Variants in PTPN21 observed in about 807,000 individuals in gnomAD.
The protein encoded by PTPN21 is protein tyrosine phosphatase non-receptor type 21.
PTPN21 carries 77 observed loss-of-function variants against 131.8 expected under a neutral mutation model. That is an observed-to-expected ratio of 0.58 (90% CI 0.49 to 0.71). PTPN21 has a LOEUF of 0.71. Among genes scored for constraint, PTPN21 ranks in the 30% least tolerant of loss-of-function variants. The pLI, the probability that PTPN21 is intolerant of heterozygous loss-of-function variation, is 0.00. For missense variants in PTPN21, 1,552 were observed against 1,527.1 expected, an observed-to-expected ratio of 1.02 and a Z score of -0.27; for synonymous variants, 715 against 621.3, an observed-to-expected ratio of 1.15 and a Z score of -2.24.
chr14:88,483,532 C>T (rs780388439), intron 12 of PTPN21, among the ~76,000 whole-genome samples: 32 of 152,074 alleles, frequency 2.1e-4, no homozygotes, highest in Non-Finnish European at 2.5e-4. Context: ...ACACCAGGGC[C>T]GACACAAACA....
chr14:88,536,936 C>T (rs2078640089), intron 2 of PTPN21, among the ~76,000 whole-genome samples: 1 of 152,148 alleles, frequency 6.6e-6, no homozygotes, highest in Non-Finnish European at 1.5e-5. Flanking sequence ...CTTACCTTTA[C>T]AGAGTCTGCC....
rs1005243348 is a variant in PTPN21 at position 88,505,240 on chromosome 14, G to C, written c.516+64C>G. The stretch of plus-strand genomic sequence containing the variant: ...TCTATCATACGGATTTCATTTCAGG[G>C]ATTATTAAGGGTATAGGAATAAACT... On this transcript the variant is annotated intron_variant, in intron 5 of 18. Coordinates refer to ENST00000556564, the MANE Select transcript of PTPN21 (RefSeq NM_007039.4). 2.1e-5 allele frequency: 27 copies of C among 1,265,652 alleles called. No homozygotes were observed. In the African/African-American group the frequency reaches 3.8e-4, roughly 18 times the overall value. 78.4% of individuals were successfully genotyped at this position (1,265,652 alleles called of 1,614,324 possible).
rs373792769 is a variant in PTPN21 at position 88,469,747 on chromosome 14, G to A, written c.3001-14C>T. 1.1e-5 allele frequency: 17 copies of A among 1,613,278 alleles called. No homozygotes were observed. The highest frequency in any genetic ancestry group is 1.4e-5 in the Non-Finnish European group (16 of 1,179,234). ...CCTTCCACCCTCCTGTTAAAGATGA[G>A]CATGGTTAAATGACTCGAGATCCGG... is the stretch of plus-strand genomic sequence containing the variant. On this transcript the variant is annotated splice_polypyrimidine_tract_variant and intron_variant, in intron 16 of 18. Transcript: ENST00000556564. The surrounding 1 kb of genome is among the most constrained non-coding windows in gnomAD (Gnocchi z 4.3).
At chr14:88,516,651 T>C (rs1003057790) in intron 3 of PTPN21, among the ~76,000 whole-genome samples, 2 of 152,166 alleles carry the variant, frequency 1.3e-5, no homozygotes, top group Admixed American at 6.5e-5. Flanking sequence ...CTCTCCTCTG[T>C]ACTCCCTCCC....
intron 2 of PTPN21, among the ~76,000 whole-genome samples, chr14:88,518,573 G>C (rs974891924): frequency 6.8e-6 from 1 of 147,968 alleles, no homozygotes; most frequent in Non-Finnish European, 1.5e-5. Context: ...CAAGATTATA[G>C]CATGCACCAC....
intron 2 of PTPN21, among the ~76,000 whole-genome samples, chr14:88,518,255 AATAT>A (rs1555388146): frequency 2.4e-3 from 44 of 18,668 alleles, no homozygotes; most frequent in African/African-American, 8.8e-3. Flanking sequence ...AAAAAAAAAA[AATAT>A]ATATATATAT....
intron 10 of PTPN21, among the ~76,000 whole-genome samples, chr14:88,491,166 T>C (rs570023077): frequency 2.6e-5 from 4 of 152,244 alleles, no homozygotes; most frequent in Non-Finnish European, 4.4e-5. Flanking sequence ...TTTTTAAGGT[T>C]TGGATAACGA....
chr14:88,485,983 A>C (rs2077725884), intron 10 of PTPN21, 141 bp from the exon 11 acceptor site: 1 of 603,572 alleles, frequency 1.7e-6, no homozygotes, highest in Non-Finnish European at 2.8e-6. Context: ...GTCAAAGAAA[A>C]GAAGGGAGGT....
intron 3 of PTPN21, among the ~76,000 whole-genome samples, chr14:88,510,835 T>C (rs910351149): frequency 2.6e-5 from 4 of 152,206 alleles, no homozygotes; most frequent in Admixed American, 2.6e-4. Context: ...TTATATGTTA[T>C]TGTATTATCC....
At chr14:88,534,051 T>C (rs995119722) in intron 2 of PTPN21, among the ~76,000 whole-genome samples, 4 of 152,080 alleles carry the variant, frequency 2.6e-5, no homozygotes, top group East Asian at 1.9e-4. Flanking sequence ...GCTAGGCTAA[T>C]ATGTGTGTCT....
chr14:88,542,745 A>G (rs950087974), intron 2 of PTPN21, among the ~76,000 whole-genome samples: 2 of 152,256 alleles, frequency 1.3e-5, no homozygotes, highest in South Asian at 4.1e-4. Flanking sequence ...AACAAAACCT[A>G]AACATCAAGA....
intron 3 of PTPN21, among the ~76,000 whole-genome samples, chr14:88,510,129 A>T (rs960229046): frequency 1.3e-5 from 2 of 152,244 alleles, no homozygotes; most frequent in African/African-American, 4.8e-5. Context: ...TTATACTGTT[A>T]TGAGAATTGA....
chr14:88,488,141 TAAG>T (rs1445375849), intron 10 of PTPN21, among the ~76,000 whole-genome samples: 1 of 152,176 alleles, frequency 6.6e-6, no homozygotes, highest in Admixed American at 6.6e-5. Flanking sequence ...GGACTGAACT[TAAG>T]AAACTTTTAA....
At chr14:88,471,021 T>C (rs1353712846) in intron 15 of PTPN21, among the ~76,000 whole-genome samples, 8 of 152,216 alleles carry the variant, frequency 5.3e-5, no homozygotes, top group Non-Finnish European at 7.3e-5. Flanking sequence ...GTATCATTCA[T>C]TCTTATCCAT....
In PTPN21 at chr14:88,479,480, G is replaced by T. The variant is rs778405708; in HGVS notation, c.1951C>A (p.Arg651=). ...AGLSHGLEGL[R]LKERTLSASA... The stretch of plus-strand genomic sequence containing the variant: ...GCGGATAGGGTGCGCTCCTTGAGCC[G>T]CAGGCCCTCCAGGCCGTGGCTGAGC... Residue 651 remains arginine, a synonymous_variant, in exon 13 of 19, where the codon CGG becomes AGG. Transcript: ENST00000556564. 5.0e-6 allele frequency: 8 copies of T among 1,601,846 alleles called. No individual in the cohort carries two copies. Among genetic ancestry groups the T allele is most frequent in the Non-Finnish European group, 6.8e-6 (8 of 1,179,106 alleles).
Position 88,497,223 on chromosome 14 carries a change from C to A in PTPN21, c.832G>T (p.Glu278Ter). 6.2e-7 allele frequency: 1 copy of A among 1,610,478 alleles called. No individual in the cohort carries two copies. Among genetic ancestry groups the A allele is most frequent in the South Asian group, 1.1e-5 (1 of 90,988 alleles). ...CTCACAGTTTGAAATTGAATGGTCT[C>A]CTCTTTATTTGCCAGCTCTAATGCA... ...FFALELANKE[E>*]TIQFQTEDME... is the part of the protein sequence containing the mutation. Residue 278 changes from glutamate to a stop codon, truncating the protein, a stop_gained, in exon 9 of 19, where the codon GAG (glutamate) becomes TAG (stop). Transcript: ENST00000556564. LOFTEE classifies it high-confidence loss of function.
Position 88,480,049 on chromosome 14 carries a change from C to G in PTPN21, c.1382G>C (p.Gly461Ala), listed in dbSNP as rs138713555. 6.2e-6 allele frequency: 10 copies of G among 1,613,900 alleles called. No homozygotes were observed. Among genetic ancestry groups the G allele is most frequent in the Non-Finnish European group, 8.5e-6 (10 of 1,180,046 alleles). ...YETVMKQLNR[G>A]LVHAERQSHS... ...GCTCTGCCGTTCCGCATGCACCAGG[C>G]CCCTGTTGAGCTGCTTCATCACAGT... Residue 461 changes from glycine to alanine, a missense_variant, in exon 13 of 19, where the codon GGC (glycine) becomes GCC (alanine). Around this residue, in one of 4 missense-constraint regions of PTPN21, gnomAD observed 1,016 missense variants for 883.5 expected, o/e 1.15. Transcript: ENST00000556564.
At position 88,496,477 on chromosome 14, in the gene PTPN21, C is replaced by T. The variant is rs2140123876; in HGVS notation, c.868G>A (p.Ala290Thr). 5 of 1,613,784 alleles carry T rather than the reference C, an allele frequency of 3.1e-6. No homozygotes were observed. The highest frequency in any genetic ancestry group is 3.4e-6 in the Non-Finnish European group (4 of 1,179,780). Residue 290 changes from alanine to threonine, a missense_variant, in exon 10 of 19, where the codon GCA becomes ACA. By Grantham distance (58) the Ala-to-Thr change is moderately conservative. This residue lies in a region of PTPN21 where 1,016 missense variants were observed against 883.5 expected (regional missense o/e 1.15). Coordinates refer to ENST00000556564, the MANE Select transcript of PTPN21 (RefSeq NM_007039.4). ...ACACAGAGTCTCCAAATGTATTTTG[C>T]TGTTTCCATGTCTTCCTAGCAAACA... ...IQFQTEDMET[A>T]KYIWRLCVAR... is the part of the protein sequence containing the mutation.
At position 88,472,476 on chromosome 14, in the gene PTPN21, G is replaced by A; in HGVS notation, c.2650-11C>T. The A allele has an allele frequency of 6.5e-7, 1 of 1,532,604 alleles. No individual in the cohort carries two copies. Among genetic ancestry groups the A allele is most frequent in the Non-Finnish European group, 9.0e-7 (1 of 1,107,222 alleles). 94.9% of individuals were successfully genotyped at this position (1,532,604 alleles called of 1,614,324 possible). A position where few individuals can be genotyped will look rare whatever the true frequency, so the allele number is the denominator to read the frequency against. On this transcript the variant is annotated splice_polypyrimidine_tract_variant and intron_variant, in intron 14 of 18. Coordinates refer to ENST00000556564, the MANE Select transcript of PTPN21 (RefSeq NM_007039.4). Reference sequence around the variant, plus strand: ...TTCCAGAATTTTACACTATAAAACAGAATATGTGTAATAACATGAATACAG... The same window carrying A: ...TTCCAGAATTTTACACTATAAAACAAAATATGTGTAATAACATGAATACAG...
Sources: allele counts gnomAD v4.1 joint callset (sites outside exome capture counted in the v4.1 genomes callset), GRCh38; gene constraint gnomAD v4.1.1; regional missense constraint gnomAD v4.1.1; non-coding constraint Gnocchi (gnomAD v3.1); transcripts MANE v1.5; gene names NCBI Gene and HGNC (gene_info 2026-07-23, HGNC 2026-07-21).